The following ASH1L variants were observed in gnomAD, a reference collection of about 807,000 sequenced individuals.
The protein encoded by ASH1L is ASH1 like histone lysine methyltransferase.
A neutral mutation model predicts 269.0 loss-of-function variants in ASH1L; 23 were observed. That is an observed-to-expected ratio of 0.09 (90% confidence interval 0.06 to 0.12). The LOEUF is 0.12. Ranked by LOEUF, ASH1L falls within the 10% of genes least tolerant of loss-of-function variation. The probability of loss-of-function intolerance (pLI) is 1.00; values close to 1 mark genes in which losing one functional copy is unlikely to be tolerated. For missense variants in ASH1L, 2,912 were observed against 3,567.8 expected, an observed-to-expected ratio of 0.82 and a Z score of 4.68; for synonymous variants, 1,187 against 1,253.5, an observed-to-expected ratio of 0.95 and a Z score of 1.12.
chr1:155,345,097 C>T (rs1012632611), intron 21 of ASH1L, among the ~76,000 whole-genome samples: 1 of 151,096 alleles, frequency 6.6e-6, no homozygotes, highest in Non-Finnish European at 1.5e-5. Flanking sequence ...GCTGGGACTA[C>T]AGGCACGCAA....
chr1:155,348,517 G>C (rs11264363), intron 19 of ASH1L, among the ~76,000 whole-genome samples: 80,726 of 151,640 alleles, frequency 0.53, 24,733 homozygotes, highest in Non-Finnish European at 0.69. Flanking sequence ...TCAGTTCAAG[G>C]CCACTTTCTC....
At chr1:155,451,833 GC>G (rs1663498506) in intron 4 of ASH1L, among the ~76,000 whole-genome samples, 1 of 152,102 alleles carries the variant, frequency 6.6e-6, no homozygotes, top group Admixed American at 6.6e-5. Context: ...CGATTCTCTT[GC>G]CTCAGCCTCC....
chr1:155,498,272 G>GT (rs1395326025), intron 2 of ASH1L, among the ~76,000 whole-genome samples: 2 of 151,740 alleles, frequency 1.3e-5, no homozygotes, highest in Non-Finnish European at 2.9e-5. Flanking sequence ...CACAATTTCA[G>GT]TTGCAGAAGA....
chr1:155,433,112 T>G lies in ASH1L; in HGVS notation c.5828+5215A>C, dbSNP rs1661728702. The G allele has an allele frequency of 2.9e-6, 4 of 1,371,294 alleles. No homozygotes were observed. In the South Asian group the frequency reaches 4.4e-5, roughly 15 times the overall value. 84.9% of individuals were successfully genotyped at this position (1,371,294 alleles called of 1,614,324 possible). A position where few individuals can be genotyped will look rare whatever the true frequency, so the allele number is the denominator to read the frequency against. On this transcript the variant is annotated intron_variant, in intron 5 of 27. Coordinates refer to ENST00000392403, the MANE Select transcript of ASH1L (RefSeq NM_018489.3). ...CTATGACAGAGATACCAAAATAGAC[T>G]GATAGAAAGGAATATAAAAATATTT...
intron 6 of ASH1L, among the ~76,000 whole-genome samples, chr1:155,414,742 A>G (rs1268049738): frequency 6.6e-6 from 1 of 152,170 alleles, no homozygotes; most frequent in Non-Finnish European, 1.5e-5. Flanking sequence ...TGATATATGA[A>G]AAATCTTTGT....
chr1:155,425,403 G>A (rs553229305), intron 5 of ASH1L, among the ~76,000 whole-genome samples: 2 of 149,884 alleles, frequency 1.3e-5, no homozygotes, highest in South Asian at 2.1e-4. Context: ...TCAGCCTCCA[G>A]GTAGCTGGGA....
At chr1:155,553,092 CT>C (rs2148915147) in intron 1 of ASH1L, among the ~76,000 whole-genome samples, 1 of 152,186 alleles carries the variant, frequency 6.6e-6, no homozygotes, top group East Asian at 1.9e-4. Flanking sequence ...AGATCTGAGC[CT>C]AATCAATCTG....
Position 155,363,273 on chromosome 1 carries a change from G to A in ASH1L, c.6687-2864C>T, listed in dbSNP as rs535407141. Reference sequence around the variant, plus strand: ...GCTGGGATTATAGGCGTGAGCCACCGCGCCTGGCTAATTTTTTATTTTTAA... The same window carrying A: ...GCTGGGATTATAGGCGTGAGCCACCACGCCTGGCTAATTTTTTATTTTTAA... On this transcript the variant is annotated intron_variant, in intron 12 of 27. Transcript: ENST00000392403. 3.5e-3 allele frequency among the ~76,000 whole-genome samples: 531 copies of A among 152,026 alleles called. 4 individuals carry two copies. The highest frequency in any genetic ancestry group is 7.5e-3 in the Admixed American group (115 of 15,238).
At chr1:155,484,402 C>T (rs527652633) in intron 2 of ASH1L, among the ~76,000 whole-genome samples, 3 of 152,152 alleles carry the variant, frequency 2.0e-5, no homozygotes, top group African/African-American at 4.8e-5. Context: ...GCAGGAGAAT[C>T]GCTTGAACCT....
intron 3 of ASH1L, among the ~76,000 whole-genome samples, chr1:155,467,418 A>AGCT (rs1664774658): frequency 6.6e-6 from 1 of 152,244 alleles, no homozygotes; most frequent in South Asian, 2.1e-4. Flanking sequence ...CTGATTTTAT[A>AGCT]GCTGTTAGTC....
At chr1:155,530,805 A>C (rs1669624024) in intron 1 of ASH1L, among the ~76,000 whole-genome samples, 1 of 151,402 alleles carries the variant, frequency 6.6e-6, no homozygotes, top group South Asian at 2.1e-4. Context: ...CCAGCTACCC[A>C]GGAGGCTGAG....
chr1:155,344,704 C>T (rs902898251), intron 21 of ASH1L: 2 of 156,836 alleles, frequency 1.3e-5, no homozygotes, highest in Admixed American at 1.3e-4. Context: ...TAAATCTCTT[C>T]TTTTTTTAAA....
At chr1:155,455,311 A>G (rs1210071224) in intron 4 of ASH1L, among the ~76,000 whole-genome samples, 2 of 152,196 alleles carry the variant, frequency 1.3e-5, no homozygotes, top group African/African-American at 2.4e-5. Context: ...GATTGTACTC[A>G]TCAATAATAA....
intron 3 of ASH1L, among the ~76,000 whole-genome samples, chr1:155,465,157 T>C (rs1465007803): frequency 1.3e-5 from 2 of 151,998 alleles, no homozygotes; most frequent in Non-Finnish European, 2.9e-5. Context: ...TTCTCACTGA[T>C]AATAGTGTCT....
At chr1:155,512,652 A>G (rs896133491) in intron 2 of ASH1L, among the ~76,000 whole-genome samples, 1 of 151,538 alleles carries the variant, frequency 6.6e-6, no homozygotes, top group South Asian at 2.1e-4. Context: ...GGGTTTCACC[A>G]TATTGTTCAG....
At chr1:155,563,081 G>C, upstream of ASH1L, 1 of 458,286 alleles carries the variant, frequency 2.2e-6, no homozygotes, top group Non-Finnish European at 4.4e-6. Context: ...ACCTCCCTGG[G>C]CTCCTCGCCG....
intron 27 of ASH1L, 22 bp from the exon 28 acceptor site, chr1:155,337,773 C>T: frequency 6.2e-7 from 1 of 1,603,912 alleles, no homozygotes; most frequent in Non-Finnish European, 8.5e-7. Flanking sequence ...ACCAAGGAGG[C>T]TCATCAAAAT....
chr1:155,480,575 T>C lies in ASH1L; in HGVS notation c.2295A>G (p.Gly765=). The C allele has an allele frequency of 6.2e-7, 1 of 1,614,112 alleles. No individual in the cohort carries two copies. Among genetic ancestry groups the C allele is most frequent in the Non-Finnish European group, 8.5e-7 (1 of 1,179,974 alleles). ...AGTCATGATCTACAAATGAAGGGGG[T>C]CCAATGTTTTTCATAAACTTGGCTG... ...SEPAKFMKNI[G]PPSFVDHDFL... is the part of the protein sequence containing the mutation. Residue 765 remains glycine, a synonymous_variant, in exon 3 of 28, where the codon GGA becomes GGG. Transcript: ENST00000392403.
intron 17 of ASH1L, among the ~76,000 whole-genome samples, chr1:155,350,173 A>G (rs1653766767): frequency 6.6e-6 from 1 of 152,062 alleles, no homozygotes; most frequent in Non-Finnish European, 1.5e-5. Flanking sequence ...GGCGTGAGCC[A>G]CCGTGTCCGG....
Sources: gnomAD v4.1 joint callset for allele counts (sites outside exome capture counted in the v4.1 genomes callset) on GRCh38, gnomAD v4.1.1 for gene constraint, MANE v1.5 for transcripts, NCBI Gene and HGNC (gene_info 2026-07-23, HGNC 2026-07-21) for gene names.